CDH13: variants seen among roughly 807,000 people sequenced by gnomAD.
CDH13 encodes cadherin-13.
CDH13 carries 24 observed loss-of-function variants against 63.8 expected under a neutral mutation model. The observed-to-expected ratio is 0.38, with a 90% CI of 0.27 to 0.53. CDH13 has a LOEUF of 0.53. Among genes scored for constraint, CDH13 ranks in the 20% least tolerant of loss-of-function variants. The pLI is 0.85. For missense variants in CDH13, 1,049 were observed against 903.1 expected (o/e 1.16, Z -2.07); for synonymous variants, 503 against 355.3 (o/e 1.42, Z -4.67).
At chr16:83,332,977 G>A (rs2090510355) in intron 5 of CDH13, among the ~76,000 whole-genome samples, 1 of 152,118 alleles carries the variant, frequency 6.6e-6, no homozygotes, top group African/African-American at 2.4e-5. Flanking sequence ...AGCAGAGCAG[G>A]ATTTTCAAAG....
At chr16:82,874,572 G>C (rs1002514470) in intron 2 of CDH13, among the ~76,000 whole-genome samples, 3 of 152,200 alleles carry the variant, frequency 2.0e-5, no homozygotes, top group Admixed American at 6.5e-5. Context: ...CCTCCCAGAG[G>C]ATCTATTTTT....
At chr16:83,006,763 G>C (rs1913540848) in intron 2 of CDH13, among the ~76,000 whole-genome samples, 1 of 152,122 alleles carries the variant, frequency 6.6e-6, no homozygotes, top group South Asian at 2.1e-4. Flanking sequence ...TTCAGAAACA[G>C]GTTTCATCCC....
chr16:83,540,236 C>G (rs774878457), intron 7 of CDH13, among the ~76,000 whole-genome samples: 1 of 151,958 alleles, frequency 6.6e-6, no homozygotes. Context: ...GTGATCAACT[C>G]AGTATACCAC....
chr16:82,949,141 C>A (rs899199517), intron 2 of CDH13, among the ~76,000 whole-genome samples: 3 of 152,154 alleles, frequency 2.0e-5, no homozygotes, highest in African/African-American at 7.2e-5. Context: ...AAAACAGAAA[C>A]TACTTGTCTC....
intron 11 of CDH13, among the ~76,000 whole-genome samples, chr16:83,749,662 G>A (rs183717): frequency 0.24 from 36,562 of 152,100 alleles, 4,980 homozygotes; most frequent in Non-Finnish European, 0.32. Context: ...CAGCAACTGA[G>A]AGCTGGACCA....
At chr16:82,963,462 C>T (rs1305976357) in intron 2 of CDH13, among the ~76,000 whole-genome samples, 1 of 152,142 alleles carries the variant, frequency 6.6e-6, no homozygotes, top group Non-Finnish European at 1.5e-5. Flanking sequence ...TCCCTGTCCC[C>T]TACGTCCTAT....
intron 6 of CDH13, 87 bp from the exon 7 acceptor site, chr16:83,486,390 C>A (rs957533847): frequency 5.5e-6 from 6 of 1,088,660 alleles, no homozygotes; most frequent in Non-Finnish European, 8.1e-6. Flanking sequence ...CACACTGCTG[C>A]ACTGCTATTG....
chr16:83,536,706 G>T (rs55759856), intron 7 of CDH13, among the ~76,000 whole-genome samples: 11,579 of 152,254 alleles, frequency 0.076, 569 homozygotes, highest in African/African-American at 0.15. Context: ...TGGAGAAGGA[G>T]ATAAGAGAAA....
chr16:83,686,746 G>A (rs140552368), intron 10 of CDH13, among the ~76,000 whole-genome samples: 180 of 152,270 alleles, frequency 1.2e-3, no homozygotes, highest in African/African-American at 4.2e-3. Context: ...GATACAGTTT[G>A]GGGTGAGGCC....
rs115924006 is a variant in CDH13 at position 82,735,313 on chromosome 16, C to A, written c.45+108176C>A. Among the ~76,000 whole-genome samples the A allele has an allele frequency of 4.7e-3, 723 of 152,296 alleles. 3 individuals are homozygous for A. Among genetic ancestry groups the A allele is most frequent in the Middle Eastern group, 0.017 (5 of 294 alleles). ...ACAAACGTTCCAATCACAAATGCTT[C>A]AGTGACAGGAATAGAAGCTGTCACA... On this transcript the variant is annotated intron_variant, in intron 1 of 13. Coordinates refer to ENST00000567109, the MANE Select transcript of CDH13 (RefSeq NM_001257.5).
intron 2 of CDH13, among the ~76,000 whole-genome samples, chr16:82,967,123 C>T (rs1193985770): frequency 1.3e-5 from 2 of 152,014 alleles, no homozygotes; most frequent in African/African-American, 4.8e-5. Context: ...TCGGTGTCTC[C>T]CATGATTAGA....
intron 6 of CDH13, among the ~76,000 whole-genome samples, chr16:83,428,473 G>C (rs2071986266): frequency 1.3e-5 from 2 of 152,092 alleles, no homozygotes; most frequent in Non-Finnish European, 1.5e-5. Flanking sequence ...TTAGAGAATA[G>C]GATTCTGCTT....
At chr16:83,084,672 T>C (rs1423378489) in intron 3 of CDH13, among the ~76,000 whole-genome samples, 2 of 152,090 alleles carry the variant, frequency 1.3e-5, no homozygotes, top group Non-Finnish European at 2.9e-5. Flanking sequence ...GTGGATCACC[T>C]GAGGTTAGGA....
rs368978710 is a variant in CDH13, at chr16:83,400,230, A to G, written c.781+55224A>G. ...AAAGGGATGACTTTTAAAGAAATCG[A>G]TCCAGAAATGTCTATGTGGCTGCCC... is the stretch of plus-strand genomic sequence containing the variant. On this transcript the variant is annotated intron_variant, in intron 6 of 13. Transcript: ENST00000567109. 1.3e-4 allele frequency among the ~76,000 whole-genome samples: 20 copies of G among 152,246 alleles called. No homozygotes were observed. In the East Asian group the frequency reaches 2.3e-3, roughly 18 times the overall value.
intron 6 of CDH13, among the ~76,000 whole-genome samples, chr16:83,434,847 A>ATG (rs1267789287): frequency 0.054 from 4,367 of 81,284 alleles, 132 homozygotes; most frequent in Middle Eastern, 0.083. Flanking sequence ...ATATATATAT[A>ATG]TGTGTGTGCG....
chr16:83,331,538 A>G (rs1435912757), intron 5 of CDH13, among the ~76,000 whole-genome samples: 5 of 152,244 alleles, frequency 3.3e-5, no homozygotes, highest in Non-Finnish European at 5.9e-5. Context: ...TGCCTGAACA[A>G]GTTACAATCT....
chr16:82,906,250 A>C (rs912029498), intron 2 of CDH13, among the ~76,000 whole-genome samples: 1 of 152,196 alleles, frequency 6.6e-6, no homozygotes, highest in South Asian at 2.1e-4. Context: ...GAAGGTTGAT[A>C]GATTAATAAT....
At chr16:83,256,674 CA>C (rs59651612) in intron 5 of CDH13, among the ~76,000 whole-genome samples, 17,510 of 115,256 alleles carry the variant, frequency 0.15, 1,355 homozygotes, top group East Asian at 0.32. Flanking sequence ...TACTAAAATA[CA>C]AAAAAAAAAA....
At chr16:83,233,986 C>A (rs562626441) in intron 5 of CDH13, among the ~76,000 whole-genome samples, 7 of 152,268 alleles carry the variant, frequency 4.6e-5, no homozygotes, top group African/African-American at 1.7e-4. Context: ...ACCTTTGACC[C>A]CAGCTATTGT....
Sources: allele counts gnomAD v4.1 joint callset (sites outside exome capture counted in the v4.1 genomes callset), GRCh38; gene constraint gnomAD v4.1.1; transcripts MANE v1.5; gene names NCBI Gene and HGNC (gene_info 2026-07-23, HGNC 2026-07-21).